Variants in IPO11 observed in about 807,000 individuals in gnomAD.
IPO11 encodes the protein importin 11.
Under a neutral mutation model 143.2 loss-of-function variants are expected in IPO11, and 66 were observed. The observed-to-expected ratio is 0.46, with a 90% CI of 0.38 to 0.57. The LOEUF (loss-of-function observed/expected upper bound fraction) is 0.57. IPO11 is among the 20% of genes least tolerant of loss of function. IPO11 has a pLI of 0.00. For missense variants in IPO11, 1,026 were observed against 1,141.0 expected (o/e 0.90, Z 1.45); for synonymous variants, 385 against 377.8 (o/e 1.02, Z -0.22).
intron 26 of IPO11, among the ~76,000 whole-genome samples, chr5:62,553,703 T>C (rs1361383317): frequency 2.0e-5 from 3 of 151,910 alleles, no homozygotes; most frequent in African/African-American, 7.3e-5. Context: ...TGAGATGATA[T>C]CTCATTGTGG....
At chr5:62,478,012 TTATCAACA>T (rs1746024165) in intron 9 of IPO11, among the ~76,000 whole-genome samples, 1 of 152,194 alleles carries the variant, frequency 6.6e-6, no homozygotes, top group Admixed American at 6.5e-5. Flanking sequence ...TCAGCAACAA[TTATCAACA>T]TATGGCCACA....
intron 5 of IPO11, among the ~76,000 whole-genome samples, chr5:62,456,623 G>A (rs755865507): frequency 4.6e-5 from 7 of 152,136 alleles, no homozygotes; most frequent in Non-Finnish European, 7.4e-5. Context: ...TGCCCGGCCT[G>A]GATATTAGGG....
rs867932249 is a variant in IPO11 at position 62,435,180 on chromosome 5, G to A, written c.-6-2094G>A. ...TATATATGTATATATATGTATATAT[G>A]TATATATATGTATATATATGTATAT... On this transcript the variant is annotated intron_variant, in intron 1 of 29. Coordinates refer to ENST00000325324, the MANE Select transcript of IPO11 (RefSeq NM_016338.5). 2.5e-4 allele frequency among the ~76,000 whole-genome samples: 23 copies of A among 92,712 alleles called. 2 individuals carry two copies. The highest frequency in any genetic ancestry group is 6.5e-4 in the African/African-American group (13 of 20,058). 60.8% of individuals were successfully genotyped at this position (92,712 alleles called of 152,430 possible).
In IPO11 at chr5:62,496,056, A is replaced by G. The variant is rs148795890; in HGVS notation, c.1590+1932A>G. Among the ~76,000 whole-genome samples, 1,387 of 152,178 alleles carry G rather than the reference A, an allele frequency of 9.1e-3. 19 individuals carry two copies. The highest frequency in any genetic ancestry group is 0.031 in the African/African-American group (1,307 of 41,528). On this transcript the variant is annotated intron_variant, in intron 16 of 29. Transcript: ENST00000325324. ...TATAATCCCAGCACTTTGGGAGGCC[A>G]AGGTGGGCTGATCACGAGGTCAGGA...
At position 62,451,889 on chromosome 5, in the gene IPO11, C is replaced by T. The variant is rs1561316558; in HGVS notation, c.472C>T (p.Leu158=). 1 of 1,613,938 alleles carries T rather than the reference C, an allele frequency of 6.2e-7. No homozygotes were observed. Residue 158 remains leucine (L), a synonymous_variant, in exon 5 of 30, where the codon CTG becomes TTG. Transcript: ENST00000325324. ...TACCTTCTATCATGTTACCAAGACACTGGCATCTAAACGACTTGCTGCTGA... is the reference window on the plus strand; with the variant it reads ...TACCTTCTATCATGTTACCAAGACATTGGCATCTAAACGACTTGCTGCTGA... ...LLTFYHVTKT[L]ASKRLAADRK...
At chr5:62,587,237 A>G (rs1488526033) in intron 27 of IPO11, among the ~76,000 whole-genome samples, 1 of 152,182 alleles carries the variant, frequency 6.6e-6, no homozygotes, top group Non-Finnish European at 1.5e-5. Context: ...GGAATGGTTT[A>G]GTAGATAAAA....
chr5:62,568,258 C>T (rs1744022495), intron 27 of IPO11, among the ~76,000 whole-genome samples: 1 of 151,864 alleles, frequency 6.6e-6, no homozygotes, highest in East Asian at 1.9e-4. Context: ...GCCACCACAC[C>T]CAGGCTGACT....
chr5:62,447,876 A>C (rs1744775396), intron 3 of IPO11, among the ~76,000 whole-genome samples: 1 of 151,928 alleles, frequency 6.6e-6, no homozygotes, highest in Non-Finnish European at 1.5e-5. Context: ...CACCACGCCC[A>C]GCTAAATTTT....
intron 9 of IPO11, among the ~76,000 whole-genome samples, 190 bp downstream of exon 9, chr5:62,476,943 C>T (rs1263954901): frequency 1.3e-5 from 2 of 151,886 alleles, no homozygotes; most frequent in African/African-American, 4.8e-5. Flanking sequence ...ATTTACATAC[C>T]ATGTGTCATA....
At chr5:62,479,967 G>T (rs1746124599) in intron 9 of IPO11, among the ~76,000 whole-genome samples, 1 of 152,052 alleles carries the variant, frequency 6.6e-6, no homozygotes, top group Non-Finnish European at 1.5e-5. Context: ...GTCAATTTTG[G>T]CTTTTGTTGC....
intron 3 of IPO11, among the ~76,000 whole-genome samples, chr5:62,443,482 A>G (rs1441676294): frequency 6.6e-6 from 1 of 151,504 alleles, no homozygotes; most frequent in Non-Finnish European, 1.5e-5. Context: ...TGAGTCAGTC[A>G]TGTTGAACAA....
chr5:62,616,745 A>AAAAAAAT (rs1235706819), intron 29 of IPO11, among the ~76,000 whole-genome samples: 3 of 144,934 alleles, frequency 2.1e-5, no homozygotes, highest in African/African-American at 7.5e-5. Context: ...AAAAAAAAAA[A>AAAAAAAT]TCAGTGAGAG....
At chr5:62,474,126 A>ATC (rs1561325408) in intron 7 of IPO11, among the ~76,000 whole-genome samples, 2 of 152,156 alleles carry the variant, frequency 1.3e-5, no homozygotes, top group African/African-American at 4.8e-5. Flanking sequence ...CAGTAAGGAG[A>ATC]ATAGAGAGTG....
intron 9 of IPO11, among the ~76,000 whole-genome samples, chr5:62,479,788 T>G (rs1307651970): frequency 6.6e-6 from 1 of 152,246 alleles, no homozygotes; most frequent in African/African-American, 2.4e-5. Flanking sequence ...TAGGGTTGTT[T>G]GATTTTTTCT....
intron 1 of IPO11, among the ~76,000 whole-genome samples, chr5:62,421,736 A>AG (rs1743523038): frequency 2.0e-5 from 3 of 152,240 alleles, no homozygotes; most frequent in Non-Finnish European, 4.4e-5. Context: ...CACAACTGAG[A>AG]GAAAAATTAT....
At chr5:62,504,983 T>C (rs1323954873) in intron 18 of IPO11, 85 bp downstream of exon 18, 19 of 691,338 alleles carry the variant, frequency 2.7e-5, no homozygotes, top group Non-Finnish European at 4.7e-6. Context: ...TGAAATTATC[T>C]ATGTGTTACT....
intron 19 of IPO11, among the ~76,000 whole-genome samples, chr5:62,510,509 T>C (rs1741708537): frequency 6.6e-6 from 1 of 152,166 alleles, no homozygotes; most frequent in African/African-American, 2.4e-5. Context: ...AGATGTATGC[T>C]CCATTTCCTA....
chr5:62,571,284 A>G (rs1447895981), intron 27 of IPO11, among the ~76,000 whole-genome samples: 3 of 152,248 alleles, frequency 2.0e-5, no homozygotes, highest in Non-Finnish European at 2.9e-5. Flanking sequence ...TTAGCTTCAG[A>G]TGCCTGGTCT....
At position 62,489,859 on chromosome 5, in the gene IPO11, AT is replaced by A. The variant is rs1746538753; in HGVS notation, c.1358-251del. Among the ~76,000 whole-genome samples, 5 of 152,320 alleles carry A rather than the reference AT, an allele frequency of 3.3e-5. No homozygotes were observed. The South Asian group carries it at 1.0e-3, about 32-fold the overall frequency. On this transcript the variant is annotated intron_variant, in intron 14 of 29. Transcript: ENST00000325324. ...TTTTAGAAGCAGGCATTATTTTATA[AT>A]TTTTATAGTTGGACTTAAATATTTT...
Sources: allele counts gnomAD v4.1 joint callset (sites outside exome capture counted in the v4.1 genomes callset), GRCh38; gene constraint gnomAD v4.1.1; transcripts MANE v1.5; gene names NCBI Gene and HGNC (gene_info 2026-07-23, HGNC 2026-07-21).